Variants in PDE3A observed in about 807,000 individuals in gnomAD.
PDE3A encodes phosphodiesterase 3A, also known as cGMP-inhibited 3',5'-cyclic phosphodiesterase 3A.
In PDE3A, 43 loss-of-function variants were observed where a neutral mutation model predicts 98.3. The observed-to-expected ratio is 0.44, with a 90% CI of 0.34 to 0.56. The LOEUF is 0.56. Among genes scored for constraint, PDE3A ranks in the 20% least tolerant of loss-of-function variants. PDE3A has a pLI of 0.01. For missense variants in PDE3A, 1,427 were observed against 1,440.7 expected, an observed-to-expected ratio of 0.99 and a Z score of 0.15; for synonymous variants, 663 against 567.9, an observed-to-expected ratio of 1.17 and a Z score of -2.38.
chr12:20,620,153 C>T (rs948391817), intron 4 of PDE3A, among the ~76,000 whole-genome samples: 2 of 151,946 alleles, frequency 1.3e-5, no homozygotes, highest in East Asian at 1.9e-4. Context: ...CAAATTATAT[C>T]GTATTAATTA....
At chr12:20,539,405 A>G (rs1191262981) in intron 1 of PDE3A, among the ~76,000 whole-genome samples, 1 of 152,164 alleles carries the variant, frequency 6.6e-6, no homozygotes, top group Non-Finnish European at 1.5e-5. Flanking sequence ...AAAAAGTTTC[A>G]GATCTTGGAG....
At chr12:20,434,966 G>C (rs1031557358) in intron 1 of PDE3A, among the ~76,000 whole-genome samples, 4 of 152,138 alleles carry the variant, frequency 2.6e-5, no homozygotes, top group Admixed American at 2.6e-4. Flanking sequence ...AAAGAAATGA[G>C]GGTTCCACAT....
At chr12:20,480,044 C>T (rs1164664500) in intron 1 of PDE3A, among the ~76,000 whole-genome samples, 4 of 152,152 alleles carry the variant, frequency 2.6e-5, no homozygotes, top group African/African-American at 7.2e-5. Flanking sequence ...TTTCTTTTGC[C>T]TATGGGGCCA....
At chr12:20,370,409 GTTTTTTT>G (rs372135967) in intron 1 of PDE3A, 165 bp downstream of exon 1, 10 of 297,806 alleles carry the variant, frequency 3.4e-5, no homozygotes, top group African/African-American at 2.1e-4. Flanking sequence ...TGTTTTTTTT[GTTTTTTT>G]TTTTTTGTTT....
chr12:20,685,908 A>T lies in PDE3A; in HGVS notation c.*5637A>T, dbSNP rs1471405150. On this transcript the variant is annotated 3_prime_UTR_variant, in exon 16 of 16. Transcript: ENST00000359062. ...CTTCAAAGAGTAATAATAAATCACC[A>T]TAGGTAAGTATTCTCAAGAATGTTT... 6.6e-6 allele frequency among the ~76,000 whole-genome samples: 1 copy of T among 152,178 alleles called. No homozygotes were observed. Among genetic ancestry groups the T allele is most frequent in the Non-Finnish European group, 1.5e-5 (1 of 68,022 alleles).
intron 12 of PDE3A, among the ~76,000 whole-genome samples, chr12:20,647,448 A>G (rs533774711): frequency 6.6e-6 from 1 of 151,862 alleles, no homozygotes; most frequent in South Asian, 2.1e-4. Context: ...TTGCCTAAAC[A>G]TAGATTCCAA....
intron 1 of PDE3A, among the ~76,000 whole-genome samples, chr12:20,385,983 T>TAATATATATAAATATATATA (rs1943753042): frequency 1.4e-5 from 1 of 69,900 alleles, no homozygotes; most frequent in African/African-American, 5.0e-5. Context: ...TATTAATATA[T>TAATATATATAAATATATATA]AATATATATA....
rs371419522 is a variant in PDE3A at position 20,404,031 on chromosome 12, G to A, written c.960+33787G>A. 1.2e-4 allele frequency among the ~76,000 whole-genome samples: 18 copies of A among 151,744 alleles called. No homozygotes were observed. In the East Asian group the frequency reaches 2.5e-3, roughly 21 times the overall value. On this transcript the variant is annotated intron_variant, in intron 1 of 15. Transcript: ENST00000359062. ...TCTTCCTGGAATTTTTCTGTTTTTGGCAGGTATGTTTGCATATCTCAAGTG... is the reference window on the plus strand; with the variant it reads ...TCTTCCTGGAATTTTTCTGTTTTTGACAGGTATGTTTGCATATCTCAAGTG...
intron 2 of PDE3A, among the ~76,000 whole-genome samples, chr12:20,563,875 G>T (rs1337386311): frequency 6.6e-6 from 1 of 152,006 alleles, no homozygotes; most frequent in African/African-American, 2.4e-5. Flanking sequence ...AGTCAGTTCT[G>T]CACTATTGGA....
chr12:20,615,520 G>A (rs1444899443), intron 3 of PDE3A, among the ~76,000 whole-genome samples: 2 of 152,096 alleles, frequency 1.3e-5, no homozygotes, highest in South Asian at 2.1e-4. Flanking sequence ...TGACTGTGGT[G>A]CAAGGTGATA....
chr12:20,382,256 A>G (rs1397834295), intron 1 of PDE3A, among the ~76,000 whole-genome samples: 1 of 151,926 alleles, frequency 6.6e-6, no homozygotes, highest in Admixed American at 6.6e-5. Flanking sequence ...TGAGAATCAC[A>G]GGACTATAAA....
Position 20,685,125 on chromosome 12 carries a change from T to G in PDE3A, c.*4854T>G, listed in dbSNP as rs1281343517. On this transcript the variant is annotated 3_prime_UTR_variant, in exon 16 of 16. Coordinates refer to ENST00000359062, the MANE Select transcript of PDE3A (RefSeq NM_000921.5). ...TAACAATGGTGAAGTAAAATGAACA[T>G]TTTTGGGCCGGGCGCAGTGGCTCAC... is the stretch of plus-strand genomic sequence containing the variant. 1.3e-5 allele frequency among the ~76,000 whole-genome samples: 2 copies of G among 152,088 alleles called. No individual in the cohort carries two copies.
rs116570585 is a variant in PDE3A at position 20,524,807 on chromosome 12, A to G, written c.961-31853A>G. On this transcript the variant is annotated intron_variant, in intron 1 of 15. Transcript: ENST00000359062. The stretch of plus-strand genomic sequence containing the variant: ...GTCTCACCCCATTCCTTGCCCTCAG[A>G]GGTAACCTCTGTGCACTACCCTCTT... Among the ~76,000 whole-genome samples the G allele has an allele frequency of 4.9e-3, 752 of 152,070 alleles. 3 individuals are homozygous for G. The highest frequency in any genetic ancestry group is 0.018 in the African/African-American group (731 of 41,492).
chr12:20,676,666 A>AT (rs1945650254), intron 15 of PDE3A, among the ~76,000 whole-genome samples: 1 of 151,696 alleles, frequency 6.6e-6, no homozygotes, highest in Admixed American at 6.6e-5. Flanking sequence ...TGCCTGGCTA[A>AT]TTTTTTGTAT....
chr12:20,528,619 A>T (rs978567122), intron 1 of PDE3A, among the ~76,000 whole-genome samples: 16 of 152,212 alleles, frequency 1.1e-4, no homozygotes, highest in East Asian at 3.9e-4. Flanking sequence ...TAGTCATAAG[A>T]TATTGATAAA....
intron 1 of PDE3A, among the ~76,000 whole-genome samples, chr12:20,385,381 C>T (rs1017865896): frequency 1.4e-4 from 21 of 151,842 alleles, no homozygotes; most frequent in African/African-American, 4.1e-4. Context: ...GACAGTGTGG[C>T]GATTCCTCAG....
intron 10 of PDE3A, among the ~76,000 whole-genome samples, chr12:20,645,549 A>G (rs2121514924): frequency 6.6e-6 from 1 of 152,328 alleles, no homozygotes; most frequent in Admixed American, 6.5e-5. Context: ...TATATAAAGT[A>G]TAGGTATTTA....
chr12:20,654,681 T>C (rs1945002042), intron 15 of PDE3A, among the ~76,000 whole-genome samples: 1 of 134,272 alleles, frequency 7.4e-6, no homozygotes, highest in Non-Finnish European at 1.5e-5. Flanking sequence ...TTTTTTTTTT[T>C]TTTTGTATTT....
intron 1 of PDE3A, among the ~76,000 whole-genome samples, chr12:20,450,728 A>G (rs906357339): frequency 1.3e-5 from 2 of 152,252 alleles, no homozygotes; most frequent in Non-Finnish European, 2.9e-5. Context: ...GCACCCTGGT[A>G]TATCAAATAC....
Sources: gnomAD v4.1 joint callset for allele counts (sites outside exome capture counted in the v4.1 genomes callset) on GRCh38, gnomAD v4.1.1 for gene constraint, MANE v1.5 for transcripts, NCBI Gene and HGNC (gene_info 2026-07-23, HGNC 2026-07-21) for gene names.